AMPH: variants seen among roughly 807,000 people sequenced by gnomAD.
AMPH encodes amphiphysin (Stiff-Mann syndrome with breast cancer 128kD autoantigen).
In AMPH, 49 loss-of-function variants were observed where a neutral mutation model predicts 99.1. That is an observed-to-expected ratio of 0.49 (90% CI 0.39 to 0.63). The LOEUF is 0.63. Ranked by LOEUF, AMPH falls within the 20% of genes least tolerant of loss-of-function variation. AMPH has a pLI of 0.00. For missense variants in AMPH, 759 were observed against 863.4 expected, an observed-to-expected ratio of 0.88 and a Z score of 1.52; for synonymous variants, 314 against 317.3, an observed-to-expected ratio of 0.99 and a Z score of 0.11.
chr7:38,570,828 T>A (rs141373809), intron 1 of AMPH, among the ~76,000 whole-genome samples: 5 of 142,908 alleles, frequency 3.5e-5, no homozygotes, highest in Non-Finnish European at 6.1e-5. Flanking sequence ...AACCTTCCAG[T>A]AGGACAAGGC....
intron 2 of AMPH, among the ~76,000 whole-genome samples, chr7:38,511,761 C>G (rs1281647243): frequency 6.6e-6 from 1 of 152,212 alleles, no homozygotes; most frequent in African/African-American, 2.4e-5. Flanking sequence ...TACTTTGTCA[C>G]TGCTTTTGCC....
chr7:38,481,266 T>C lies in AMPH; in HGVS notation c.397-4297A>G, dbSNP rs3807419. 0.011 allele frequency among the ~76,000 whole-genome samples: 1,713 copies of C among 152,210 alleles called. 74 individuals carry two copies. The East Asian group carries it at 0.16, about 14-fold the overall frequency. ...CACATTAGCTTTTTTTAATGGAAAA[T>C]TATATAATTCTCTTATTTAACCATC... On this transcript the variant is annotated intron_variant, in intron 5 of 20. Coordinates refer to ENST00000356264, the MANE Select transcript of AMPH (RefSeq NM_001635.4).
chr7:38,621,620 T>C (rs1448216232), intron 1 of AMPH, among the ~76,000 whole-genome samples: 1 of 152,174 alleles, frequency 6.6e-6, no homozygotes, highest in Non-Finnish European at 1.5e-5. Context: ...AAATCATATA[T>C]ATATTTATTA....
At chr7:38,538,039 A>G (rs1041364652) in intron 1 of AMPH, among the ~76,000 whole-genome samples, 2 of 152,190 alleles carry the variant, frequency 1.3e-5, no homozygotes, top group African/African-American at 4.8e-5. Context: ...ATCAGCAGGC[A>G]AAAAGTGCAT....
intron 3 of AMPH, among the ~76,000 whole-genome samples, chr7:38,501,321 G>C (rs1738531492): frequency 6.6e-6 from 1 of 152,122 alleles, no homozygotes. Context: ...CTCCTGAGTA[G>C]CTGGGACTAC....
chr7:38,454,266 AT>A (rs1787145872), intron 11 of AMPH, among the ~76,000 whole-genome samples: 1 of 152,192 alleles, frequency 6.6e-6, no homozygotes, highest in Non-Finnish European at 1.5e-5. Flanking sequence ...TGAGGTCCCT[AT>A]TATTATCAAT....
chr7:38,594,700 T>C (rs1172294877), intron 1 of AMPH, among the ~76,000 whole-genome samples: 2 of 152,106 alleles, frequency 1.3e-5, no homozygotes, highest in African/African-American at 4.8e-5. Context: ...GAGACTACTA[T>C]GTGGATTCTC....
intron 8 of AMPH, 59 bp from the exon 9 acceptor site, chr7:38,465,608 C>G: frequency 7.0e-7 from 1 of 1,437,886 alleles, no homozygotes; most frequent in Non-Finnish European, 9.5e-7. Context: ...CCAATTCAGG[C>G]TATTCTCCCC....
At chr7:38,436,919 A>T (rs529833290) in intron 11 of AMPH, among the ~76,000 whole-genome samples, 2 of 152,294 alleles carry the variant, frequency 1.3e-5, no homozygotes, top group Non-Finnish European at 2.9e-5. Context: ...TTTGGTTATC[A>T]TTTGATCCAG....
intron 17 of AMPH, among the ~76,000 whole-genome samples, chr7:38,413,360 A>T (rs993615116): frequency 9.3e-6 from 1 of 107,346 alleles, no homozygotes; most frequent in Non-Finnish European, 1.9e-5. Context: ...AAAAAGCCAA[A>T]GTATCTGAAT....
At chr7:38,609,866 C>T (rs1159819247) in intron 1 of AMPH, among the ~76,000 whole-genome samples, 4 of 151,950 alleles carry the variant, frequency 2.6e-5, no homozygotes, top group Admixed American at 2.6e-4. Context: ...TTAATTCATC[C>T]AGTCCATAAG....
chr7:38,534,857 C>A (rs7785138), intron 2 of AMPH, 74 bp downstream of exon 2: 9 of 1,255,666 alleles, frequency 7.2e-6, no homozygotes, highest in Non-Finnish European at 1.0e-5. Context: ...AATCTTAATG[C>A]ATTTTACTTA....
intron 1 of AMPH, among the ~76,000 whole-genome samples, chr7:38,574,850 T>G (rs1351704560): frequency 6.6e-6 from 1 of 152,066 alleles, no homozygotes; most frequent in Non-Finnish European, 1.5e-5. Context: ...GGTGAAGAGA[T>G]CAAGACCTTC....
At chr7:38,410,880 C>T (rs753815367) in intron 17 of AMPH, among the ~76,000 whole-genome samples, 2 of 152,214 alleles carry the variant, frequency 1.3e-5, no homozygotes, top group Non-Finnish European at 2.9e-5. Context: ...TTCATTTCAA[C>T]TCCTCAGCCA....
chr7:38,572,499 T>A (rs1046263607), intron 1 of AMPH, among the ~76,000 whole-genome samples: 2 of 152,198 alleles, frequency 1.3e-5, no homozygotes, highest in African/African-American at 4.8e-5. Flanking sequence ...GTACAGGGGA[T>A]GCAGGGGCTG....
Position 38,395,849 on chromosome 7 carries a change from T to C in AMPH, c.1399-1635A>G, listed in dbSNP as rs527423737. On this transcript the variant is annotated intron_variant, in intron 17 of 20. Transcript: ENST00000356264. The stretch of plus-strand genomic sequence containing the variant: ...AGATGAAGAACATGAACCACACATC[T>C]ACACTTATAACAAAGCAGTTTTAAA... Among the ~76,000 whole-genome samples the C allele has an allele frequency of 1.1e-4, 16 of 152,338 alleles. 1 individual carries two copies. The highest frequency in any genetic ancestry group is 3.8e-4 in the African/African-American group (16 of 41,584).
intron 1 of AMPH, among the ~76,000 whole-genome samples, chr7:38,579,948 C>T (rs1280825879): frequency 6.6e-6 from 1 of 152,168 alleles, no homozygotes; most frequent in Non-Finnish European, 1.5e-5. Flanking sequence ...GTCCCAGACT[C>T]ATGAATAAAC....
intron 10 of AMPH, 28 bp downstream of exon 10, chr7:38,462,947 T>C: frequency 6.6e-7 from 1 of 1,525,112 alleles, no homozygotes; most frequent in Non-Finnish European, 8.8e-7. Context: ...ATGAGCTCTA[T>C]CCCCCAATAT....
intron 1 of AMPH, among the ~76,000 whole-genome samples, chr7:38,557,101 T>C (rs80128281): frequency 0.055 from 8,407 of 152,166 alleles, 361 homozygotes; most frequent in East Asian, 0.23. Context: ...TGTAGAGGAC[T>C]GATTTGGGGT....
Sources: allele counts gnomAD v4.1 joint callset (sites outside exome capture counted in the v4.1 genomes callset), GRCh38; gene constraint gnomAD v4.1.1; transcripts MANE v1.5; gene names NCBI Gene and HGNC (gene_info 2026-07-23, HGNC 2026-07-21).